NFX1: variants seen among roughly 807,000 people sequenced by gnomAD.
NFX1 encodes the protein nuclear transcription factor, X-box binding 1.
A neutral mutation model predicts 137.2 loss-of-function variants in NFX1; 69 were observed. The ratio of observed to expected loss-of-function variants is 0.50; its 90% CI spans 0.41 to 0.61. The LOEUF (loss-of-function observed/expected upper bound fraction) is 0.61. Among genes scored for constraint, NFX1 ranks in the 20% least tolerant of loss-of-function variants. The pLI is 0.00. For missense variants in NFX1, 1,167 were observed against 1,391.0 expected (o/e 0.84, Z 2.56); for synonymous variants, 495 against 474.1 (o/e 1.04, Z -0.57).
At chr9:33,362,085 C>T (rs1337502674) in intron 19 of NFX1, among the ~76,000 whole-genome samples, 1 of 142,728 alleles carries the variant, frequency 7.0e-6, no homozygotes, top group East Asian at 2.1e-4. Context: ...CATGCCACTG[C>T]ACTCCAGCCT....
intron 6 of NFX1, among the ~76,000 whole-genome samples, chr9:33,312,941 A>G (rs1822016218): frequency 1.3e-5 from 2 of 152,216 alleles, no homozygotes; most frequent in Admixed American, 1.3e-4. Context: ...TATTAGAACA[A>G]AACTAGAATT....
At position 33,318,815 on chromosome 9, in the gene NFX1, T is replaced by C; in HGVS notation, c.1673T>C (p.Leu558Ser). The change falls in exon 8 of 24, where the codon TTA becomes TCA. Residue 558 changes from leucine to serine, a missense_variant. By Grantham distance (145) the Leu-to-Ser change is moderately radical. Around this residue, in one of 3 missense-constraint regions of NFX1, gnomAD observed 488 missense variants for 691.5 expected, o/e 0.71. Transcript: ENST00000379540. ...KSDGFGDFSC[L>S]KICGKDLKCG... is the part of the protein sequence containing the mutation. ...GATGGATTTGGGGATTTCAGCTGTT[T>C]AAAGATATGTGGCAAGTAAGGTTTT... The C allele has an allele frequency of 6.2e-7, 1 of 1,614,220 alleles. No individual in the cohort carries two copies. Among genetic ancestry groups the C allele is most frequent in the Non-Finnish European group, 8.5e-7 (1 of 1,180,038 alleles).
rs201796076 is a variant in NFX1, at chr9:33,369,969, C to G, written c.3354C>G (p.Val1118=). 6.0e-5 allele frequency: 96 copies of G among 1,611,410 alleles called. No homozygotes were observed. Among genetic ancestry groups the G allele is most frequent in the Non-Finnish European group, 7.8e-5 (92 of 1,177,856 alleles). ...AGCCAATAATTGACTATTTTGACGTCCAGGACTAAGAAGATCATGATGCAC... is the reference window on the plus strand; with the variant it reads ...AGCCAATAATTGACTATTTTGACGTGCAGGACTAAGAAGATCATGATGCAC... ...TKEPIIDYFD[V]QD The change falls in exon 24 of 24, where the codon GTC becomes GTG. Residue 1118 remains valine, a synonymous_variant. Coordinates refer to ENST00000379540, the MANE Select transcript of NFX1 (RefSeq NM_002504.6).
At chr9:33,359,175 G>C (rs754086250) in intron 19 of NFX1, among the ~76,000 whole-genome samples, 5 of 152,000 alleles carry the variant, frequency 3.3e-5, no homozygotes, top group Admixed American at 2.0e-4. Flanking sequence ...GTCAATTCCT[G>C]TTATTTTTTT....
At position 33,354,118 on chromosome 9, in the gene NFX1, C is replaced by T. The variant is rs1429242815; in HGVS notation, c.2762C>T (p.Thr921Ile). 6.2e-7 allele frequency: 1 copy of T among 1,612,872 alleles called. No homozygotes were observed. The highest frequency in any genetic ancestry group is 2.2e-5 in the East Asian group (1 of 44,824). Residue 921 changes from threonine (T) to isoleucine (I), a missense_variant, in exon 18 of 24, where the codon ACA becomes ATA. Around this residue, in one of 3 missense-constraint regions of NFX1, gnomAD observed 312 missense variants for 312.8 expected, o/e 1.00. Coordinates refer to ENST00000379540, the MANE Select transcript of NFX1 (RefSeq NM_002504.6). ...IAAISMASKI[T>I]DMQLGGSVEI... ...GCAATCTCCATGGCCTCTAAGATAA[C>T]AGACATGCAGCTTGGAGGTTCAGTG...
chr9:33,335,130 T>C (rs1822949822), intron 11 of NFX1, among the ~76,000 whole-genome samples: 1 of 152,178 alleles, frequency 6.6e-6, no homozygotes, highest in South Asian at 2.1e-4. Flanking sequence ...CCATTTTAAA[T>C]GTACAGTTCA....
intron 16 of NFX1, among the ~76,000 whole-genome samples, chr9:33,352,245 G>T (rs752139108): frequency 6.6e-6 from 1 of 152,174 alleles, no homozygotes; most frequent in African/African-American, 2.4e-5. Flanking sequence ...TGTGGAGGGG[G>T]CTATGAGAGC....
intron 9 of NFX1, among the ~76,000 whole-genome samples, chr9:33,321,069 T>C (rs994631061): frequency 3.3e-5 from 5 of 152,080 alleles, no homozygotes; most frequent in African/African-American, 9.7e-5. Context: ...GTAAATCAAA[T>C]CCCCTTTCGG....
chr9:33,332,511 G>C lies in NFX1; in HGVS notation c.2035+9G>C, dbSNP rs759975588. 1 of 1,569,586 alleles carries C rather than the reference G, an allele frequency of 6.4e-7. No individual in the cohort carries two copies. The highest frequency in any genetic ancestry group is 8.7e-7 in the Non-Finnish European group (1 of 1,153,546). ...CAGTCTCAAAAGTGAAGGTATGACTGGGGTGGGGCATGAGGGAATTTCTGG... is the reference window on the plus strand; with the variant it reads ...CAGTCTCAAAAGTGAAGGTATGACTCGGGTGGGGCATGAGGGAATTTCTGG... On this transcript the variant is annotated intron_variant, in intron 11 of 23. Coordinates refer to ENST00000379540, the MANE Select transcript of NFX1 (RefSeq NM_002504.6).
chr9:33,358,710 TGGA>T (rs1823897157), intron 19 of NFX1, among the ~76,000 whole-genome samples: 1 of 127,120 alleles, frequency 7.9e-6, no homozygotes, highest in Non-Finnish European at 1.6e-5. Flanking sequence ...TCTCCCAGGC[TGGA>T]GTGCAATGGC....
Position 33,335,135 on chromosome 9 carries a change from A to T in NFX1, c.2035+2633A>T, listed in dbSNP as rs183948386. 7.2e-5 allele frequency among the ~76,000 whole-genome samples: 11 copies of T among 152,160 alleles called. No individual in the cohort carries two copies. The East Asian group carries it at 2.1e-3, about 29-fold the overall frequency. On this transcript the variant is annotated intron_variant, in intron 11 of 23. Coordinates refer to ENST00000379540, the MANE Select transcript of NFX1 (RefSeq NM_002504.6). The stretch of plus-strand genomic sequence containing the variant: ...ACATAATTAACCATTTTAAATGTAC[A>T]GTTCAGTGGCACTTAGTTCTTTCAC...
intron 12 of NFX1, among the ~76,000 whole-genome samples, chr9:33,342,140 A>G (rs1421176176): frequency 2.0e-5 from 3 of 150,986 alleles, no homozygotes; most frequent in Non-Finnish European, 4.4e-5. Flanking sequence ...ACACACACAC[A>G]CACACACACA....
chr9:33,331,939 C>T (rs1414333086), intron 10 of NFX1, among the ~76,000 whole-genome samples: 1 of 152,176 alleles, frequency 6.6e-6, no homozygotes, highest in Non-Finnish European at 1.5e-5. Flanking sequence ...AGACCACTCA[C>T]ATGTAGTGGA....
intron 5 of NFX1, among the ~76,000 whole-genome samples, chr9:33,309,170 A>G (rs1821870656): frequency 6.6e-6 from 1 of 152,132 alleles, no homozygotes; most frequent in South Asian, 2.1e-4. Context: ...ATCCTGGCTA[A>G]GACGGTGCAA....
chr9:33,338,363 A>G lies in NFX1; in HGVS notation c.2036-147A>G, dbSNP rs922877140. 8.3e-6 allele frequency: 6 copies of G among 718,708 alleles called. No individual in the cohort carries two copies. In the African/African-American group the frequency reaches 9.2e-5, roughly 11 times the overall value. The allele number at this position is 718,708 out of a possible 1,614,324, so 44.5% of individuals were successfully genotyped here. Reference sequence around the variant, plus strand: ...GAGAAAGACTCCATCTCAAAAAACAAAACAAAACAAAAAAAACTGCATTTA... The same window carrying G: ...GAGAAAGACTCCATCTCAAAAAACAGAACAAAACAAAAAAAACTGCATTTA... On this transcript the variant is annotated intron_variant, in intron 11 of 23. Coordinates refer to ENST00000379540, the MANE Select transcript of NFX1 (RefSeq NM_002504.6).
chr9:33,323,971 C>T (rs1822484106), intron 9 of NFX1, among the ~76,000 whole-genome samples: 3 of 152,148 alleles, frequency 2.0e-5, no homozygotes, highest in East Asian at 1.9e-4. Context: ...GGCTGGGTAC[C>T]GTGGCTTATG....
At chr9:33,342,882 A>T (rs376521545) in intron 13 of NFX1, 28 bp downstream of exon 13, 1 of 1,472,136 alleles carries the variant, frequency 6.8e-7, no homozygotes. Flanking sequence ...ATAGTTTATT[A>T]GAAGAGTTTT....
chr9:33,354,151 G>A lies in NFX1; in HGVS notation c.2795G>A (p.Ser932Asn), dbSNP rs759366147. The change falls in exon 18 of 24, where the codon AGC (serine) becomes AAC (asparagine). Residue 932 changes from serine to asparagine, a missense_variant. By Grantham distance (46) the Ser-to-Asn change is conservative (BLOSUM62 1). This residue lies in a region of NFX1 where 312 missense variants were observed against 312.8 expected (regional missense o/e 1.00). Transcript: ENST00000379540. ...DMQLGGSVEI[S>N]KLITKKEVHQ... is the part of the protein sequence containing the mutation. ...CAGCTTGGAGGTTCAGTGGAGATCA[G>A]CAAGTTAATTACCAAAAAGGAAGTT... 2 of 1,613,456 alleles carry A rather than the reference G, an allele frequency of 1.2e-6. No individual in the cohort carries two copies. The highest frequency in any genetic ancestry group is 1.7e-6 in the Non-Finnish European group (2 of 1,179,720).
intron 11 of NFX1, among the ~76,000 whole-genome samples, chr9:33,333,656 A>T (rs987732483): frequency 6.6e-6 from 1 of 152,226 alleles, no homozygotes; most frequent in Non-Finnish European, 1.5e-5. Context: ...CATGGTGGGT[A>T]AAGGTACACA....
Sources: gnomAD v4.1 joint callset for allele counts (sites outside exome capture counted in the v4.1 genomes callset) on GRCh38, gnomAD v4.1.1 for gene constraint, gnomAD v4.1.1 regional missense constraint, MANE v1.5 for transcripts, NCBI Gene and HGNC (gene_info 2026-07-23, HGNC 2026-07-21) for gene names.